CGNL1: variants seen among roughly 807,000 people sequenced by gnomAD.
The protein encoded by CGNL1 is cingulin-like protein 1.
Under a neutral mutation model 141.2 loss-of-function variants are expected in CGNL1, and 132 were observed. The observed-to-expected ratio is 0.93, with a 90% CI of 0.81 to 1.08. CGNL1 has a LOEUF of 1.08. Ranked by LOEUF, CGNL1 falls within the 50% of genes least tolerant of loss-of-function variation. The probability of loss-of-function intolerance (pLI) is 0.00; values close to 1 mark genes in which losing one functional copy is unlikely to be tolerated. For missense variants in CGNL1, 1,870 were observed against 1,588.6 expected, an observed-to-expected ratio of 1.18 and a Z score of -3.01; for synonymous variants, 690 against 622.1, an observed-to-expected ratio of 1.11 and a Z score of -1.63.
chr15:57,421,987 A>G (rs543059888), intron 1 of CGNL1, among the ~76,000 whole-genome samples: 14 of 152,024 alleles, frequency 9.2e-5, no homozygotes, highest in Non-Finnish European at 1.6e-4. Context: ...TAGATTGATC[A>G]TCATGTCTTC....
chr15:57,443,085 C>T (rs1391017690), intron 4 of CGNL1, among the ~76,000 whole-genome samples: 1 of 152,162 alleles, frequency 6.6e-6, no homozygotes, highest in African/African-American at 2.4e-5. Context: ...CAGGCTTGGA[C>T]CCAAGCTCTG....
chr15:57,446,652 A>T (rs1331202988), intron 4 of CGNL1, among the ~76,000 whole-genome samples: 3 of 147,474 alleles, frequency 2.0e-5, no homozygotes, highest in Non-Finnish European at 4.5e-5. Flanking sequence ...GTGTAATGCC[A>T]AACTGAACAT....
intron 7 of CGNL1, among the ~76,000 whole-genome samples, chr15:57,454,227 T>C (rs1256439062): frequency 6.6e-6 from 1 of 152,212 alleles, no homozygotes; most frequent in African/African-American, 2.4e-5. Flanking sequence ...TATTCTAGCA[T>C]AGTTTTGGAA....
At chr15:57,521,185 A>G (rs1300978040) in intron 10 of CGNL1, among the ~76,000 whole-genome samples, 2 of 152,084 alleles carry the variant, frequency 1.3e-5, no homozygotes, top group Non-Finnish European at 2.9e-5. Flanking sequence ...GCTTTTTTTC[A>G]TGTGAATTTG....
intron 8 of CGNL1, among the ~76,000 whole-genome samples, chr15:57,481,412 G>A (rs2063724865): frequency 6.6e-6 from 1 of 152,086 alleles, no homozygotes; most frequent in South Asian, 2.1e-4. Context: ...TCATTTCCAG[G>A]ATGGTATATA....
intron 1 of CGNL1, among the ~76,000 whole-genome samples, chr15:57,436,541 G>A (rs1389539602): frequency 6.6e-6 from 1 of 151,786 alleles, no homozygotes; most frequent in African/African-American, 2.4e-5. Flanking sequence ...AAGCTGCTAT[G>A]TGGGGAGTCT....
chr15:57,397,341 G>A (rs1219962684), intron 1 of CGNL1, among the ~76,000 whole-genome samples: 2 of 152,142 alleles, frequency 1.3e-5, no homozygotes, highest in Non-Finnish European at 2.9e-5. Flanking sequence ...CAGGGGACCC[G>A]CAGGCCTTTG....
intron 1 of CGNL1, among the ~76,000 whole-genome samples, chr15:57,395,688 T>A (rs1352443550): frequency 1.3e-5 from 2 of 152,244 alleles, no homozygotes; most frequent in African/African-American, 4.8e-5. Flanking sequence ...GGGCACTACG[T>A]TAAGCACGCT....
intron 14 of CGNL1, among the ~76,000 whole-genome samples, chr15:57,538,085 G>A (rs1483756759): frequency 6.6e-6 from 1 of 152,242 alleles, no homozygotes; most frequent in African/African-American, 2.4e-5. Context: ...CCAAGTCAAG[G>A]GGCCTAGTCC....
chr15:57,537,370 G>A lies in CGNL1; in HGVS notation c.3291+5591G>A, dbSNP rs376039005. Among the ~76,000 whole-genome samples, 114 of 152,246 alleles carry A rather than the reference G, an allele frequency of 7.5e-4. 1 individual carries two copies. The South Asian group carries it at 0.023, about 31-fold the overall frequency. On this transcript the variant is annotated intron_variant, in intron 14 of 18. Coordinates refer to ENST00000281282, the MANE Select transcript of CGNL1 (RefSeq NM_032866.5). ...AACTGCTCCTCAGTCAGCATCAGGG[G>A]TGCCACCCCTGCTAAATGGGACCGT... is the stretch of plus-strand genomic sequence containing the variant.
At chr15:57,508,817 A>G (rs1292080761) in intron 8 of CGNL1, among the ~76,000 whole-genome samples, 1 of 152,358 alleles carries the variant, frequency 6.6e-6, no homozygotes, top group Middle Eastern at 3.4e-3. Flanking sequence ...TTAGAAATGC[A>G]GAGTCCTGGG....
At chr15:57,525,418 C>G (rs926316081) in intron 12 of CGNL1, among the ~76,000 whole-genome samples, 7 of 152,224 alleles carry the variant, frequency 4.6e-5, no homozygotes, top group African/African-American at 1.7e-4. Context: ...TGATTTCTAG[C>G]TATACCTCTT....
At chr15:57,402,466 T>G (rs1240320603) in intron 1 of CGNL1, among the ~76,000 whole-genome samples, 3 of 152,176 alleles carry the variant, frequency 2.0e-5, no homozygotes, top group African/African-American at 7.2e-5. Flanking sequence ...CCAAATGGAC[T>G]AGCACACCAT....
At chr15:57,463,532 A>G (rs2063472159) in intron 8 of CGNL1, among the ~76,000 whole-genome samples, 1 of 152,238 alleles carries the variant, frequency 6.6e-6, no homozygotes, top group Non-Finnish European at 1.5e-5. Flanking sequence ...GGCACCGGGA[A>G]GCTAACACAA....
At chr15:57,532,041 T>C (rs1241165697) in intron 14 of CGNL1, among the ~76,000 whole-genome samples, 2 of 152,360 alleles carry the variant, frequency 1.3e-5, no homozygotes, top group South Asian at 2.1e-4. Context: ...TTTTAGGTTT[T>C]GATTTCATCT....
At chr15:57,468,585 TGTG>T in intron 8 of CGNL1, among the ~76,000 whole-genome samples, 4 of 146,534 alleles carry the variant, frequency 2.7e-5, no homozygotes, top group Admixed American at 2.7e-4. Context: ...TGTGTGTGTG[TGTG>T]TGTTAAAGAA....
At chr15:57,521,021 T>G (rs1005473638) in intron 10 of CGNL1, among the ~76,000 whole-genome samples, 3 of 152,170 alleles carry the variant, frequency 2.0e-5, no homozygotes, top group African/African-American at 7.2e-5. Flanking sequence ...CCTCAGATTC[T>G]CCAACCTGAT....
rs2063448824 is a variant in CGNL1 at position 57,461,714 on chromosome 15, T to A, written c.2225T>A (p.Leu742Gln). The A allele has an allele frequency of 6.2e-7, 1 of 1,614,012 alleles. No individual in the cohort carries two copies. The highest frequency in any genetic ancestry group is 8.5e-7 in the Non-Finnish European group (1 of 1,180,006). Reference protein sequence around the residue: ...LLQAKQDLQDLLIAKEEQEDL... With the variant: ...LLQAKQDLQDQLIAKEEQEDL... ...CAGGCAAAACAGGATCTTCAAGATC[T>A]GCTGATTGCCAAAGAGGAGCAAGAA... The change falls in exon 8 of 19, where the codon CTG (leucine) becomes CAG (glutamine). Residue 742 changes from leucine (L) to glutamine (Q), a missense_variant. By Grantham distance (113) the Leu-to-Gln change is moderately radical. Transcript: ENST00000281282.
intron 1 of CGNL1, among the ~76,000 whole-genome samples, chr15:57,419,326 A>G (rs752520731): frequency 6.6e-6 from 1 of 152,168 alleles, no homozygotes; most frequent in Non-Finnish European, 1.5e-5. Flanking sequence ...ACTACACCCA[A>G]TTTCCCCTAT....
Sources: gnomAD v4.1 joint callset for allele counts (sites outside exome capture counted in the v4.1 genomes callset) on GRCh38, gnomAD v4.1.1 for gene constraint, MANE v1.5 for transcripts, NCBI Gene and HGNC (gene_info 2026-07-23, HGNC 2026-07-21) for gene names.